Variants in LGR6 observed in about 807,000 individuals in gnomAD.
LGR6 encodes leucine-rich repeat-containing G protein-coupled receptor 6.
In LGR6, 45 loss-of-function variants were observed where a neutral mutation model predicts 69.4. The ratio of observed to expected loss-of-function variants is 0.65; its 90% CI spans 0.51 to 0.83. The LOEUF (loss-of-function observed/expected upper bound fraction) is 0.83, where lower values mean the gene tolerates loss of function less well. Ranked by LOEUF, LGR6 falls within the 40% of genes least tolerant of loss-of-function variation. The pLI is 0.00. For missense variants in LGR6, 1,108 were observed against 1,246.7 expected (o/e 0.89, Z 1.68); for synonymous variants, 538 against 555.0 (o/e 0.97, Z 0.43).
chr1:202,199,563 A>T, intron 1 of LGR6, among the ~76,000 whole-genome samples: 1 of 23,856 alleles, frequency 4.2e-5, no homozygotes, highest in African/African-American at 1.4e-4. Context: ...GTTGGCCCCC[A>T]GCCCACCCCC....
intron 4 of LGR6, among the ~76,000 whole-genome samples, chr1:202,267,966 T>C (rs1664800350): frequency 6.6e-6 from 1 of 152,160 alleles, no homozygotes. Flanking sequence ...GTGGGGGCAG[T>C]AGGGCTTTAT....
At position 202,319,351 on chromosome 1, in the gene LGR6, A is replaced by G. The variant is rs1025974720; in HGVS notation, c.*144A>G. On this transcript the variant is annotated 3_prime_UTR_variant, in exon 18 of 18. Coordinates refer to ENST00000367278, the MANE Select transcript of LGR6 (RefSeq NM_001017403.2). ...GGCCCAGTCCCTGGCTCCACTGATC[A>G]CCTCTCTCCTGTGACCATCACCAAC... is the stretch of plus-strand genomic sequence containing the variant. 134 of 880,446 alleles carry G rather than the reference A, an allele frequency of 1.5e-4. No individual in the cohort carries two copies. Among genetic ancestry groups the G allele is most frequent in the Admixed American group, 4.2e-4 (13 of 31,012 alleles). The allele number at this position is 880,446 out of a possible 1,614,324, so 54.5% of individuals were successfully genotyped here.
At chr1:202,305,870 C>CT (rs931036482) in intron 12 of LGR6, 121 bp downstream of exon 12, 21 of 829,860 alleles carry the variant, frequency 2.5e-5, no homozygotes, top group Middle Eastern at 2.3e-4. Context: ...TCTTCCTTCT[C>CT]TTTTCTGAGT....
intron 4 of LGR6, among the ~76,000 whole-genome samples, chr1:202,256,431 C>T (rs553555629): frequency 3.3e-5 from 5 of 152,060 alleles, no homozygotes; most frequent in East Asian, 1.9e-4. Context: ...TTAGTAGAGA[C>T]GGGGTTTCAC....
intron 1 of LGR6, among the ~76,000 whole-genome samples, chr1:202,215,200 T>C (rs1659697156): frequency 6.6e-6 from 1 of 152,094 alleles, no homozygotes; most frequent in Non-Finnish European, 1.5e-5. Flanking sequence ...TGTTTATCCA[T>C]GAAATAAAGG....
intron 1 of LGR6, among the ~76,000 whole-genome samples, chr1:202,222,585 AT>A (rs1168044266): frequency 2.6e-5 from 4 of 151,794 alleles, no homozygotes; most frequent in Non-Finnish European, 5.9e-5. Context: ...AGAGGTAATC[AT>A]TTTTTTTCGG....
rs374763129 is a variant in LGR6 at position 202,300,935 on chromosome 1, C to A, written c.857+15C>A. The stretch of plus-strand genomic sequence containing the variant: ...CTACAGACGATGTGAGTACTACTTT[C>A]TCTGGTCTCTTAATGCCGAACAGTG... On this transcript the variant is annotated intron_variant, in intron 8 of 17. Coordinates refer to ENST00000367278, the MANE Select transcript of LGR6 (RefSeq NM_001017403.2). 24 of 1,599,372 alleles carry A rather than the reference C, an allele frequency of 1.5e-5. No individual in the cohort carries two copies. Among genetic ancestry groups the A allele is most frequent in the Non-Finnish European group, 2.1e-5 (24 of 1,169,066 alleles).
chr1:202,309,092 G>C lies in LGR6; in HGVS notation c.1322G>C (p.Gly441Ala). ...DNQLTTLPLA[G>A]LGGLMHLKLK... is the part of the protein sequence containing the mutation. ...CAGCTGACCACACTGCCCCTGGCTG[G>C]ACTTGGGGGCTTGATGCATCTGAAG... is the stretch of plus-strand genomic sequence containing the variant. Residue 441 changes from glycine (G) to alanine (A), a missense_variant, in exon 15 of 18, where the codon GGA (glycine) becomes GCA (alanine). Physicochemically the swap from Gly to Ala is moderately conservative, Grantham distance 60 (BLOSUM62 0). Coordinates refer to ENST00000367278, the MANE Select transcript of LGR6 (RefSeq NM_001017403.2). The C allele has an allele frequency of 1.9e-6, 3 of 1,614,126 alleles. No individual in the cohort carries two copies. The highest frequency in any genetic ancestry group is 2.5e-6 in the Non-Finnish European group (3 of 1,179,990).
intron 4 of LGR6, among the ~76,000 whole-genome samples, chr1:202,253,298 C>G (rs553987961): frequency 6.6e-6 from 1 of 151,718 alleles, no homozygotes; most frequent in South Asian, 2.1e-4. Flanking sequence ...AACTGATGGT[C>G]CTAATACTCT....
intron 4 of LGR6, among the ~76,000 whole-genome samples, chr1:202,250,508 C>T (rs576162662): frequency 4.8e-4 from 73 of 152,024 alleles, no homozygotes; most frequent in African/African-American, 1.7e-3. Context: ...AAGGTTCAAG[C>T]GATTCTCCTG....
At chr1:202,241,526 T>C (rs568721321) in intron 4 of LGR6, among the ~76,000 whole-genome samples, 2 of 152,238 alleles carry the variant, frequency 1.3e-5, no homozygotes, top group East Asian at 3.9e-4. Flanking sequence ...CCCTCCTCCT[T>C]GGATACACTT....
rs143557799 is a variant in LGR6 at position 202,266,557 on chromosome 1, C to T, written c.429-9749C>T. ...CAGATCCATAAAGCCCCCAAGGACC[C>T]GCACGTTCTTTTCCCTACTACCTTT... On this transcript the variant is annotated intron_variant, in intron 4 of 17. Coordinates refer to ENST00000367278, the MANE Select transcript of LGR6 (RefSeq NM_001017403.2). 2.8e-3 allele frequency among the ~76,000 whole-genome samples: 426 copies of T among 151,874 alleles called. 3 individuals carry two copies. Among genetic ancestry groups the T allele is most frequent in the Admixed American group, 7.7e-3 (118 of 15,230 alleles).
chr1:202,262,393 A>G (rs918354674), intron 4 of LGR6, among the ~76,000 whole-genome samples: 3 of 152,068 alleles, frequency 2.0e-5, no homozygotes, highest in Admixed American at 6.6e-5. Context: ...AAGATCAGAT[A>G]GTTGTAGATA....
In LGR6 at chr1:202,319,359, C is replaced by A; in HGVS notation, c.*152C>A. 1 of 825,114 alleles carries A rather than the reference C, an allele frequency of 1.2e-6. No homozygotes were observed. The highest frequency in any genetic ancestry group is 1.8e-6 in the Non-Finnish European group (1 of 556,562). 51.1% of individuals were successfully genotyped at this position (825,114 alleles called of 1,614,324 possible). On this transcript the variant is annotated 3_prime_UTR_variant, in exon 18 of 18. Coordinates refer to ENST00000367278, the MANE Select transcript of LGR6 (RefSeq NM_001017403.2). ...CCCTGGCTCCACTGATCACCTCTCTCCTGTGACCATCACCAACGGGTGCCT... is the reference window on the plus strand; with the variant it reads ...CCCTGGCTCCACTGATCACCTCTCTACTGTGACCATCACCAACGGGTGCCT...
chr1:202,202,435 C>T, intron 1 of LGR6, among the ~76,000 whole-genome samples: 1 of 152,224 alleles, frequency 6.6e-6, no homozygotes, highest in East Asian at 1.9e-4. Context: ...TAGGAGACCC[C>T]ATCTGGGCAC....
At position 202,206,811 on chromosome 1, in the gene LGR6, G is replaced by A. The variant is rs549425481; in HGVS notation, c.212+12610G>A. Among the ~76,000 whole-genome samples the A allele has an allele frequency of 3.2e-4, 48 of 152,116 alleles. No individual in the cohort carries two copies. In the South Asian group the frequency reaches 7.1e-3, roughly 22 times the overall value. On this transcript the variant is annotated intron_variant, in intron 1 of 17. Transcript: ENST00000367278. Reference sequence around the variant, plus strand: ...TCTTGAACTTGCTGGGATTACAGGCGAGAGAGCTGTGTAAATTTTTAATAA... The same window carrying A: ...TCTTGAACTTGCTGGGATTACAGGCAAGAGAGCTGTGTAAATTTTTAATAA...
chr1:202,205,130 C>T (rs111205725), intron 1 of LGR6, among the ~76,000 whole-genome samples: 775 of 14,990 alleles, frequency 0.052, no homozygotes, highest in Middle Eastern at 0.1. Context: ...AACACACCTC[C>T]TTCAAACACA....
At chr1:202,281,012 T>A in intron 6 of LGR6, 160 bp downstream of exon 6, 1 of 609,108 alleles carries the variant, frequency 1.6e-6, no homozygotes, top group Non-Finnish European at 2.9e-6. Context: ...GCACTTTCTC[T>A]GGAATATCAC....
intron 4 of LGR6, among the ~76,000 whole-genome samples, chr1:202,248,120 C>G (rs1662901194): frequency 6.6e-6 from 1 of 152,210 alleles, no homozygotes; most frequent in Non-Finnish European, 1.5e-5. Flanking sequence ...GCAAGCACAC[C>G]AGGCTCCTTC....
Sources: allele counts gnomAD v4.1 joint callset (sites outside exome capture counted in the v4.1 genomes callset), GRCh38; gene constraint gnomAD v4.1.1; transcripts MANE v1.5; gene names NCBI Gene and HGNC (gene_info 2026-07-23, HGNC 2026-07-21).